Variants in GPR149 observed in about 807,000 individuals in gnomAD.
GPR149 encodes the protein probable G protein-coupled receptor 149.
In GPR149, 50 loss-of-function variants were observed where a neutral mutation model predicts 50.2. The ratio of observed to expected loss-of-function variants is 1.00; its 90% CI spans 0.79 to 1.26. The LOEUF (loss-of-function observed/expected upper bound fraction) is 1.26, where lower values mean the gene tolerates loss of function less well. Among genes scored for constraint, GPR149 ranks in the 50% most tolerant of loss-of-function variants. GPR149 has a pLI of 0.00. For missense variants in GPR149, 983 were observed against 895.4 expected (o/e 1.10, Z -1.25); for synonymous variants, 405 against 358.2 (o/e 1.13, Z -1.48).
chr3:154,378,088 CT>C (rs35650974), intron 3 of GPR149, among the ~76,000 whole-genome samples: 11,481 of 56,808 alleles, frequency 0.2, 636 homozygotes, highest in Admixed American at 0.24. Flanking sequence ...TCCCCCCCCC[CT>C]TTTTTTTTTT....
intron 3 of GPR149, among the ~76,000 whole-genome samples, chr3:154,396,899 TA>T (rs1349954715): frequency 2.0e-5 from 3 of 151,132 alleles, no homozygotes; most frequent in Non-Finnish European, 4.4e-5. Flanking sequence ...TTTATTATAT[TA>T]TATATATATT....
intron 3 of GPR149, among the ~76,000 whole-genome samples, chr3:154,372,364 C>A (rs1714686196): frequency 6.6e-6 from 1 of 152,130 alleles, no homozygotes; most frequent in Admixed American, 6.5e-5. Context: ...TCCTCGCTCC[C>A]TCTCTCCCTT....
intron 3 of GPR149, among the ~76,000 whole-genome samples, chr3:154,385,704 CTTTT>C (rs5853692): frequency 2.9e-5 from 4 of 136,150 alleles, no homozygotes; most frequent in Admixed American, 7.3e-5. Context: ...TTCTTTCTTT[CTTTT>C]TTTTTTTTTT....
At chr3:154,396,283 T>A (rs893238258) in intron 3 of GPR149, among the ~76,000 whole-genome samples, 4 of 152,208 alleles carry the variant, frequency 2.6e-5, no homozygotes, top group African/African-American at 9.6e-5. Context: ...ATGTTTTTTA[T>A]TTCCATTATT....
chr3:154,390,343 A>C (rs1425650502), intron 3 of GPR149, among the ~76,000 whole-genome samples: 1 of 152,182 alleles, frequency 6.6e-6, no homozygotes, highest in African/African-American at 2.4e-5. Context: ...CAAAGCATAT[A>C]AACAAAAGGA....
chr3:154,372,114 A>G (rs551875701), intron 3 of GPR149, among the ~76,000 whole-genome samples: 1 of 152,146 alleles, frequency 6.6e-6, no homozygotes, highest in African/African-American at 2.4e-5. Flanking sequence ...TCCCAACAGC[A>G]GTTGGGGTGT....
intron 3 of GPR149, chr3:154,354,207 C>G (rs1424989194): frequency 2.0e-5 from 10 of 494,482 alleles, no homozygotes; most frequent in Non-Finnish European, 3.9e-5. Flanking sequence ...GATTTCTCAT[C>G]TGGGTCATAA....
chr3:154,429,213 G>A lies in GPR149; in HGVS notation c.403C>T (p.His135Tyr), dbSNP rs909702356. ...LLVSYNFYTM[H>Y]RGVGSQTASR... ...GCTGTCTGGCTCCCCACACCTCTGTGCATCGTATAAAAGTTGTAAGAGACT... is the reference window on the plus strand; with the variant it reads ...GCTGTCTGGCTCCCCACACCTCTGTACATCGTATAAAAGTTGTAAGAGACT... Residue 135 changes from histidine to tyrosine, a missense_variant, in exon 1 of 4, where the codon CAC becomes TAC. Coordinates refer to ENST00000389740, the MANE Select transcript of GPR149 (RefSeq NM_001038705.3). 1 of 1,614,164 alleles carries A rather than the reference G, an allele frequency of 6.2e-7. No individual in the cohort carries two copies. Among genetic ancestry groups the A allele is most frequent in the Non-Finnish European group, 8.5e-7 (1 of 1,180,026 alleles).
chr3:154,393,797 T>C (rs1472038952), intron 3 of GPR149, among the ~76,000 whole-genome samples: 8 of 151,806 alleles, frequency 5.3e-5, no homozygotes, highest in Non-Finnish European at 1.0e-4. Context: ...TGAAAGGAAA[T>C]TAGGCAAACA....
chr3:154,375,170 A>C (rs542577368), intron 3 of GPR149, among the ~76,000 whole-genome samples: 13 of 152,314 alleles, frequency 8.5e-5, no homozygotes, highest in African/African-American at 3.1e-4. Context: ...CTGGGTCAAT[A>C]TCCAATTTTA....
intron 3 of GPR149, among the ~76,000 whole-genome samples, chr3:154,419,707 A>G (rs1191717083): frequency 6.6e-6 from 1 of 152,070 alleles, no homozygotes; most frequent in South Asian, 2.1e-4. Flanking sequence ...ATGGACACAC[A>G]CACACATATA....
chr3:154,395,236 G>GAGC (rs1225198086), intron 3 of GPR149, among the ~76,000 whole-genome samples: 1 of 151,850 alleles, frequency 6.6e-6, no homozygotes, highest in Non-Finnish European at 1.5e-5. Context: ...CTTAGAATGT[G>GAGC]AGCAGCAAGT....
At chr3:154,403,314 A>G (rs549380272) in intron 3 of GPR149, among the ~76,000 whole-genome samples, 1 of 152,330 alleles carries the variant, frequency 6.6e-6, no homozygotes, top group South Asian at 2.1e-4. Flanking sequence ...TTTAACAGAG[A>G]TAAGACATAA....
Position 154,350,365 on chromosome 3 carries a change from A to G in GPR149, c.1624-12094T>C, listed in dbSNP as rs1015760675. On this transcript the variant is annotated intron_variant, in intron 3 of 3. Transcript: ENST00000389740. ...GCTAAGCAAGGTCACAGGATATAAG[A>G]TACATGTACAAAATCATTTGTACTT... Among the ~76,000 whole-genome samples the G allele has an allele frequency of 5.3e-5, 8 of 152,334 alleles. No individual in the cohort carries two copies. In the East Asian group the frequency reaches 1.2e-3, roughly 22 times the overall value.
chr3:154,375,197 A>G (rs1304063463), intron 3 of GPR149, among the ~76,000 whole-genome samples: 2 of 152,224 alleles, frequency 1.3e-5, no homozygotes, highest in Non-Finnish European at 2.9e-5. Context: ...TTAAATAGGA[A>G]ACATTACCTT....
chr3:154,337,782 G>A lies in GPR149; in HGVS notation c.2113C>T (p.Gln705Ter), dbSNP rs1713688530. ...AHRQNSKRQH[Q>*]ERDGYQEEIQ... is the part of the protein sequence containing the mutation. Reference sequence around the variant, plus strand: ...TCCTCCTGGTAGCCATCCCTCTCTTGATGCTGCCTTTTACTGTTCTGCCTG... The same window carrying A: ...TCCTCCTGGTAGCCATCCCTCTCTTAATGCTGCCTTTTACTGTTCTGCCTG... Residue 705 changes from glutamine to a stop codon, truncating the protein, a stop_gained, in exon 4 of 4, where the codon CAA (glutamine) becomes TAA (stop). Coordinates refer to ENST00000389740, the MANE Select transcript of GPR149 (RefSeq NM_001038705.3). LOFTEE classifies it high-confidence loss of function. 2 of 1,613,606 alleles carry A rather than the reference G, an allele frequency of 1.2e-6. No individual in the cohort carries two copies. Among genetic ancestry groups the A allele is most frequent in the East Asian group, 4.5e-5 (2 of 44,878 alleles).
intron 3 of GPR149, among the ~76,000 whole-genome samples, chr3:154,348,804 T>C (rs772406536): frequency 5.3e-5 from 8 of 152,026 alleles, no homozygotes; most frequent in Non-Finnish European, 8.8e-5. Flanking sequence ...TATAGGACAC[T>C]CCATCCAACA....
At chr3:154,409,560 G>GAC (rs1711780926) in intron 3 of GPR149, among the ~76,000 whole-genome samples, 1 of 151,950 alleles carries the variant, frequency 6.6e-6, no homozygotes, top group Non-Finnish European at 1.5e-5. Context: ...GGAAATGAAG[G>GAC]ACACACTCAG....
chr3:154,358,967 C>G (rs972906700), intron 3 of GPR149, among the ~76,000 whole-genome samples: 85 of 152,034 alleles, frequency 5.6e-4, no homozygotes, highest in Non-Finnish European at 1.1e-3. Context: ...AGAACATGCA[C>G]CAAGAAGTGC....
Sources: gnomAD v4.1 joint callset for allele counts (sites outside exome capture counted in the v4.1 genomes callset) on GRCh38, gnomAD v4.1.1 for gene constraint, MANE v1.5 for transcripts, NCBI Gene and HGNC (gene_info 2026-07-23, HGNC 2026-07-21) for gene names.